Variants in DACH1 observed in about 807,000 individuals in gnomAD.
DACH1 encodes dachshund homolog 1.
A neutral mutation model predicts 54.2 loss-of-function variants in DACH1; 12 were observed. The ratio of observed to expected loss-of-function variants is 0.22; its 90% CI spans 0.14 to 0.36. DACH1 has a LOEUF of 0.36. DACH1 is among the 10% of genes least tolerant of loss of function. DACH1 has a pLI of 1.00. For missense variants in DACH1, 805 were observed against 929.8 expected, an observed-to-expected ratio of 0.87 and a Z score of 1.75; for synonymous variants, 386 against 366.2, an observed-to-expected ratio of 1.05 and a Z score of -0.62.
chr13:71,559,952 G>A lies in DACH1; in HGVS notation c.1303C>T (p.Arg435Cys), dbSNP rs1426420192. The A allele has an allele frequency of 1.0e-5, 16 of 1,546,624 alleles. No homozygotes were observed. The highest frequency in any genetic ancestry group is 4.2e-5 in the Admixed American group (2 of 47,328). The change falls in exon 5 of 11, where the codon CGT (arginine) becomes TGT (cysteine). Residue 435 changes from arginine to cysteine, a missense_variant. By Grantham distance (180) the Arg-to-Cys change is radical. Around this residue, in one of 3 missense-constraint regions of DACH1, gnomAD observed 472 missense variants for 545.3 expected, o/e 0.87. Transcript: ENST00000613252. Reference sequence around the variant, plus strand: ...GCAGGTGAGGGGCTATCAGGAACACGCTCCTGCACCAGCAAGAGAGGGAAG... The same window carrying A: ...GCAGGTGAGGGGCTATCAGGAACACACTCCTGCACCAGCAAGAGAGGGAAG... ...SRVETSVIKERVPDSPSPAPS... is the reference protein window; with the variant it reads ...SRVETSVIKECVPDSPSPAPS...
chr13:71,619,094 T>G (rs1876007190), intron 3 of DACH1, among the ~76,000 whole-genome samples: 1 of 151,222 alleles, frequency 6.6e-6, no homozygotes, highest in Non-Finnish European at 1.5e-5. Flanking sequence ...AATCTAATTC[T>G]GTTTTATATA....
intron 1 of DACH1, among the ~76,000 whole-genome samples, chr13:71,691,235 T>C (rs1253029292): frequency 6.6e-6 from 1 of 152,216 alleles, no homozygotes; most frequent in Non-Finnish European, 1.5e-5. Flanking sequence ...CAACTTTCCT[T>C]TGTAGGAGAT....
At chr13:71,863,979 C>T (rs2138299423) in intron 1 of DACH1, among the ~76,000 whole-genome samples, 1 of 151,962 alleles carries the variant, frequency 6.6e-6, no homozygotes, top group Non-Finnish European at 1.5e-5. Context: ...TTTCACCTAG[C>T]TTTCTTCATA....
At chr13:71,578,935 GAAA>G in intron 3 of DACH1, among the ~76,000 whole-genome samples, 1 of 152,074 alleles carries the variant, frequency 6.6e-6, no homozygotes, top group African/African-American at 2.4e-5. Context: ...TTTCTTGAGA[GAAA>G]AATAATGTTG....
chr13:71,836,992 A>G (rs531459861), intron 1 of DACH1, among the ~76,000 whole-genome samples: 41 of 151,776 alleles, frequency 2.7e-4, no homozygotes, highest in African/African-American at 9.4e-4. Flanking sequence ...TGTAGTTTTC[A>G]TCACTTTATA....
chr13:71,750,848 A>G (rs1884889914), intron 1 of DACH1, among the ~76,000 whole-genome samples: 1 of 152,238 alleles, frequency 6.6e-6, no homozygotes, highest in Non-Finnish European at 1.5e-5. Flanking sequence ...GGTGGGAGCC[A>G]TCAATGAAAC....
intron 2 of DACH1, among the ~76,000 whole-genome samples, chr13:71,667,675 T>C (rs1438945637): frequency 6.6e-6 from 1 of 152,168 alleles, no homozygotes; most frequent in South Asian, 2.1e-4. Context: ...ATTGCCATTA[T>C]AAATCAAAAA....
intron 7 of DACH1, among the ~76,000 whole-genome samples, chr13:71,483,932 A>G (rs974816479): frequency 2.6e-5 from 4 of 152,220 alleles, no homozygotes; most frequent in Non-Finnish European, 5.9e-5. Context: ...CTAGGTTTGT[A>G]TAAGTGCATT....
intron 1 of DACH1, among the ~76,000 whole-genome samples, chr13:71,692,235 A>G (rs1179678772): frequency 6.6e-6 from 1 of 152,170 alleles, no homozygotes; most frequent in African/African-American, 2.4e-5. Flanking sequence ...GGAAAGGTTT[A>G]CAAAGCAGGT....
At chr13:71,574,465 TA>T (rs1231562173) in intron 3 of DACH1, among the ~76,000 whole-genome samples, 9 of 152,132 alleles carry the variant, frequency 5.9e-5, no homozygotes, top group Non-Finnish European at 1.3e-4. Context: ...ACAAAGTTGG[TA>T]AAACTCCAAT....
intron 1 of DACH1, among the ~76,000 whole-genome samples, chr13:71,834,265 A>G (rs1051609748): frequency 6.6e-6 from 1 of 152,054 alleles, no homozygotes; most frequent in Admixed American, 6.6e-5. Context: ...TTTCATAATG[A>G]AGCTATTTAA....
chr13:71,850,696 C>T (rs996230288), intron 1 of DACH1, among the ~76,000 whole-genome samples: 5 of 152,094 alleles, frequency 3.3e-5, no homozygotes, highest in Admixed American at 6.5e-5. Flanking sequence ...TTTAAAAATT[C>T]AGATTTACTT....
chr13:71,633,415 C>T (rs1304359762), intron 2 of DACH1, among the ~76,000 whole-genome samples: 2 of 152,158 alleles, frequency 1.3e-5, no homozygotes, highest in Non-Finnish European at 2.9e-5. Context: ...TGGCCTGACA[C>T]AGCCCTCTCA....
intron 3 of DACH1, among the ~76,000 whole-genome samples, chr13:71,590,869 CTCTT>C (rs1377953635): frequency 4.4e-5 from 6 of 136,108 alleles, no homozygotes; most frequent in African/African-American, 1.6e-4. Context: ...CTCTGTCTCT[CTCTT>C]TCTTTTTTTT....
At chr13:71,848,607 A>G (rs1261422586) in intron 1 of DACH1, among the ~76,000 whole-genome samples, 2 of 151,952 alleles carry the variant, frequency 1.3e-5, no homozygotes, top group Non-Finnish European at 2.9e-5. Context: ...CAGTGGCATT[A>G]TCACAGCTCA....
Position 71,608,299 on chromosome 13 carries a change from ATTCGT to A in DACH1, c.1126+22252_1126+22256del, listed in dbSNP as rs546604207. 2.0e-4 allele frequency among the ~76,000 whole-genome samples: 30 copies of A among 152,158 alleles called. No homozygotes were observed. In the East Asian group the frequency reaches 5.8e-3, roughly 29 times the overall value. On this transcript the variant is annotated intron_variant, in intron 3 of 10. Coordinates refer to ENST00000613252, the MANE Select transcript of DACH1 (RefSeq NM_080759.6). ...TTACAAAAGACTAATACACATTAAAATTCGTTTCTTCTATGAAAACTATTAACAAG... is the reference window on the plus strand; with the variant it reads ...TTACAAAAGACTAATACACATTAAAATTCTTCTATGAAAACTATTAACAAG...
chr13:71,454,339 A>C (rs1875353721), intron 10 of DACH1, among the ~76,000 whole-genome samples: 2 of 152,168 alleles, frequency 1.3e-5, no homozygotes, highest in South Asian at 4.1e-4. Flanking sequence ...TGTGGTAGGC[A>C]TCCTCTAAGA....
At chr13:71,475,267 A>T (rs972749977) in intron 9 of DACH1, 58 bp from the exon 10 acceptor site, 56 of 1,285,774 alleles carry the variant, frequency 4.4e-5, no homozygotes, top group Non-Finnish European at 5.3e-5. Context: ...ATTGTCCTTT[A>T]AAAAAAAAGA....
At chr13:71,470,145 T>C (rs1304054532) in intron 10 of DACH1, among the ~76,000 whole-genome samples, 3 of 152,192 alleles carry the variant, frequency 2.0e-5, no homozygotes, top group Admixed American at 1.3e-4. Context: ...AAGTGAAATA[T>C]CAATTTAAAA....
Sources: gnomAD v4.1 joint callset for allele counts (sites outside exome capture counted in the v4.1 genomes callset) on GRCh38, gnomAD v4.1.1 for gene constraint, gnomAD v4.1.1 regional missense constraint, MANE v1.5 for transcripts, NCBI Gene and HGNC (gene_info 2026-07-23, HGNC 2026-07-21) for gene names.